FAAH2: variants seen among roughly 807,000 people sequenced by gnomAD.
The protein encoded by FAAH2 is fatty acid amide hydrolase 2, also known as fatty-acid amide hydrolase 2.
In FAAH2, 60 loss-of-function variants were observed where a neutral mutation model predicts 36.9. The ratio of observed to expected loss-of-function variants is 1.63; its 90% confidence interval spans 1.32 to 2.02. The LOEUF (loss-of-function observed/expected upper bound fraction) is 2.02, where lower values mean the gene tolerates loss of function less well. FAAH2 is among the 30% of genes most tolerant of loss of function. The pLI, the probability that FAAH2 is intolerant of heterozygous loss-of-function variation, is 0.00. For missense variants in FAAH2, 689 were observed against 397.5 expected, an observed-to-expected ratio of 1.73 and a Z score of -6.23; for synonymous variants, 214 against 143.8, an observed-to-expected ratio of 1.49 and a Z score of -3.49.
chrX:57,188,940 AG>A, the FAAH2 span, among the ~76,000 whole-genome samples: 1 of 111,247 alleles, frequency 9.0e-6, no homozygotes, highest in Non-Finnish European at 1.9e-5. Flanking sequence ...CTTTCTTGCT[AG>A]GTTGGGGAAG....
At chrX:57,343,321 T>C (rs779015208) in intron 5 of FAAH2, among the ~76,000 whole-genome samples, 4 of 112,140 alleles carry the variant, frequency 3.6e-5, no homozygotes, top group African/African-American at 9.7e-5. Flanking sequence ...TTCTGACTTG[T>C]GTGAGACAGT....
intron 7 of FAAH2, among the ~76,000 whole-genome samples, chrX:57,398,299 A>G (rs1437744298): frequency 1.8e-5 from 2 of 112,230 alleles, no homozygotes; most frequent in Non-Finnish European, 3.8e-5. Flanking sequence ...TTCACATTGA[A>G]CTTGGATAAT....
chrX:57,150,356 G>A, the FAAH2 span, among the ~76,000 whole-genome samples: 3 of 111,723 alleles, frequency 2.7e-5, no homozygotes, highest in African/African-American at 9.8e-5. Context: ...TGTTGACAGT[G>A]GGGTGTTAAA....
intron 4 of FAAH2, among the ~76,000 whole-genome samples, chrX:57,337,855 T>C (rs1443512784): frequency 8.9e-6 from 1 of 112,116 alleles, no homozygotes; most frequent in African/African-American, 3.2e-5. Context: ...AAGACAAGGA[T>C]GCCCTCTCTC....
the FAAH2 span, chrX:57,126,993 T>C: frequency 9.0e-6 from 1 of 111,619 alleles, no homozygotes; most frequent in Non-Finnish European, 1.9e-5. Context: ...CCGTGCACTT[T>C]GATCTTATCG....
intron 10 of FAAH2, among the ~76,000 whole-genome samples, chrX:57,470,808 A>G (rs1166621743): frequency 9.0e-6 from 1 of 111,497 alleles, no homozygotes; most frequent in African/African-American, 3.3e-5. Context: ...AGAATTTTAG[A>G]CCAATATCCC....
At chrX:57,171,291 G>T in the FAAH2 span, among the ~76,000 whole-genome samples, 1 of 111,468 alleles carries the variant, frequency 9.0e-6, no homozygotes, top group Non-Finnish European at 1.9e-5. Context: ...GGGATTGCTG[G>T]ATCAAATGTT....
the FAAH2 span, among the ~76,000 whole-genome samples, chrX:57,217,146 T>A: frequency 9.0e-6 from 1 of 111,041 alleles, no homozygotes; most frequent in African/African-American, 3.3e-5. Flanking sequence ...CCTTACTGAT[T>A]TGTTTGAGTT....
intron 5 of FAAH2, among the ~76,000 whole-genome samples, chrX:57,342,475 G>A (rs978749420): frequency 9.0e-6 from 1 of 111,015 alleles, no homozygotes; most frequent in Non-Finnish European, 1.9e-5. Flanking sequence ...CCCATGACAC[G>A]TTTACCTATG....
At chrX:57,191,716 C>T in the FAAH2 span, among the ~76,000 whole-genome samples, 12 of 111,907 alleles carry the variant, frequency 1.1e-4, no homozygotes, top group African/African-American at 3.9e-4. Context: ...ATATCATTTT[C>T]CCAGCACAAT....
chrX:57,279,459 G>C, the FAAH2 span, among the ~76,000 whole-genome samples: 1 of 111,700 alleles, frequency 9.0e-6, no homozygotes, highest in Non-Finnish European at 1.9e-5. Context: ...TTGGGGACTG[G>C]GGGACTAGGT....
chrX:57,454,887 A>T (rs893550056), intron 10 of FAAH2, among the ~76,000 whole-genome samples: 11 of 112,137 alleles, frequency 9.8e-5, no homozygotes, highest in African/African-American at 2.9e-4. Flanking sequence ...TTGAGGATAT[A>T]GTCCATGAAA....
chrX:57,322,484 A>G (rs1432367582), intron 3 of FAAH2, among the ~76,000 whole-genome samples: 1 of 110,914 alleles, frequency 9.0e-6, no homozygotes, highest in Non-Finnish European at 1.9e-5. Flanking sequence ...TTTGGGGATG[A>G]CCTTCTCATG....
At chrX:57,367,291 G>T (rs1391747856) in intron 5 of FAAH2, among the ~76,000 whole-genome samples, 1 of 111,903 alleles carries the variant, frequency 8.9e-6, no homozygotes, top group Non-Finnish European at 1.9e-5. Flanking sequence ...AGATATAATT[G>T]GCCTTTTTCA....
At chrX:57,366,795 G>C (rs2054428883) in intron 5 of FAAH2, among the ~76,000 whole-genome samples, 1 of 112,520 alleles carries the variant, frequency 8.9e-6, no homozygotes. Context: ...GACCCTGGCA[G>C]AGGTTAGCAG....
chrX:57,472,720 A>G (rs1039985383), intron 10 of FAAH2, among the ~76,000 whole-genome samples: 1 of 110,469 alleles, frequency 9.1e-6, no homozygotes, highest in African/African-American at 3.3e-5. Context: ...TGGTCTGTTC[A>G]GGTTTTCTAT....
chrX:57,165,433 C>T, the FAAH2 span, among the ~76,000 whole-genome samples: 4 of 110,858 alleles, frequency 3.6e-5, no homozygotes, highest in South Asian at 3.8e-4. Flanking sequence ...AGTAAACTAT[C>T]GCAAGAACAA....
chrX:57,434,396 G>A (rs960203762), intron 8 of FAAH2, among the ~76,000 whole-genome samples: 4 of 110,016 alleles, frequency 3.6e-5, no homozygotes, highest in Non-Finnish European at 7.6e-5. Flanking sequence ...AATTTGTAAA[G>A]CAATACAAAT....
the FAAH2 span, among the ~76,000 whole-genome samples, chrX:57,212,040 G>A: frequency 4.5e-5 from 5 of 111,521 alleles, no homozygotes; most frequent in Admixed American, 9.5e-5. Context: ...GTGTGAGACC[G>A]GCCTGGGCAA....
Sources: gnomAD v4.1 joint callset for allele counts (sites outside exome capture counted in the v4.1 genomes callset) on GRCh38, gnomAD v4.1.1 for gene constraint, MANE v1.5 for transcripts, NCBI Gene and HGNC (gene_info 2026-07-23, HGNC 2026-07-21) for gene names.